NUMB: variants seen among roughly 807,000 people sequenced by gnomAD.
NUMB encodes the protein protein numb homolog.
A neutral mutation model predicts 59.7 loss-of-function variants in NUMB; 29 were observed. The ratio of observed to expected loss-of-function variants is 0.49; its 90% CI spans 0.36 to 0.66. NUMB has a LOEUF of 0.66. Ranked by LOEUF, NUMB falls within the 30% of genes least tolerant of loss-of-function variation. NUMB has a pLI of 0.00. For missense variants in NUMB, 723 were observed against 822.0 expected (o/e 0.88, Z 1.47); for synonymous variants, 288 against 288.2 (o/e 1.00, Z 0.01).
intron 2 of NUMB, among the ~76,000 whole-genome samples, chr14:73,395,037 T>TTGTGTTTGTG (rs1896056099): frequency 3.3e-5 from 4 of 119,922 alleles, no homozygotes; most frequent in African/African-American, 1.2e-4. Flanking sequence ...ATTCGTGTGT[T>TTGTGTTTGTG]TGTGTGTGTG....
At chr14:73,375,274 C>T (rs970515260) in intron 2 of NUMB, among the ~76,000 whole-genome samples, 3 of 152,156 alleles carry the variant, frequency 2.0e-5, no homozygotes, top group Non-Finnish European at 2.9e-5. Context: ...AACATTTCAT[C>T]GTCCCTTACT....
At chr14:73,442,965 T>C (rs1002230715) in intron 1 of NUMB, among the ~76,000 whole-genome samples, 1 of 152,098 alleles carries the variant, frequency 6.6e-6, no homozygotes, top group Admixed American at 6.6e-5. Context: ...TCGGCTCAAG[T>C]GATCCTCCTG....
At chr14:73,400,792 A>T (rs1021130671) in intron 2 of NUMB, among the ~76,000 whole-genome samples, 1 of 152,212 alleles carries the variant, frequency 6.6e-6, no homozygotes, top group African/African-American at 2.4e-5. Flanking sequence ...ATAGATGAAC[A>T]CTTGGAGGTT....
intron 2 of NUMB, among the ~76,000 whole-genome samples, chr14:73,384,970 T>C (rs1895431800): frequency 6.7e-6 from 1 of 148,624 alleles, no homozygotes; most frequent in African/African-American, 2.5e-5. Flanking sequence ...TTCGGCTCAC[T>C]GTAACCTCTG....
rs1457443481 is a variant in NUMB at position 73,275,698 on chromosome 14, C to CTTT, written c.*877_*879dup. 1 of 152,240 alleles carries CTTT rather than the reference C, an allele frequency of 6.6e-6. No individual in the cohort carries two copies. Among genetic ancestry groups the CTTT allele is most frequent in the African/African-American group, 2.4e-5 (1 of 41,386 alleles). 9.4% of individuals were successfully genotyped at this position (152,240 alleles called of 1,614,324 possible). A position where few individuals can be genotyped will look rare whatever the true frequency, so the allele number is the denominator to read the frequency against. On this transcript the variant is annotated 3_prime_UTR_variant, in exon 13 of 13. Coordinates refer to ENST00000555238, the MANE Select transcript of NUMB (RefSeq NM_001005743.2). ...TAGGTTTAAAACCAGGACAATACTG[C>CTTT]TTTTCCTTTATTTAAAAAAAACTAC...
At chr14:73,396,568 C>G (rs1272724558) in intron 2 of NUMB, among the ~76,000 whole-genome samples, 1 of 151,724 alleles carries the variant, frequency 6.6e-6, no homozygotes, top group Non-Finnish European at 1.5e-5. Flanking sequence ...CGAGGCCTTG[C>G]TATGTTACCT....
chr14:73,441,357 G>A (rs1440063026), intron 1 of NUMB, among the ~76,000 whole-genome samples: 1 of 151,928 alleles, frequency 6.6e-6, no homozygotes, highest in Non-Finnish European at 1.5e-5. Context: ...AGTCCAACCT[G>A]GCCAACACAG....
intron 9 of NUMB, 113 bp from the exon 10 acceptor site, chr14:73,284,487 G>C (rs989076149): frequency 4.7e-6 from 4 of 858,580 alleles, no homozygotes; most frequent in Non-Finnish European, 7.3e-6. Context: ...CCTTCCCAGT[G>C]TCTCTTAAAA....
intron 7 of NUMB, 134 bp downstream of exon 7, chr14:73,297,077 G>A (rs1457313308): frequency 1.8e-6 from 1 of 557,276 alleles, no homozygotes; most frequent in African/African-American, 2.0e-5. Context: ...TGAGGCAGGA[G>A]AATCGCTTGA....
chr14:73,423,961 G>A (rs914723887), intron 1 of NUMB, among the ~76,000 whole-genome samples: 5 of 98,998 alleles, frequency 5.1e-5, no homozygotes, highest in African/African-American at 2.5e-4. Flanking sequence ...GTGAGACCCT[G>A]TCTCCAAAAA....
At chr14:73,366,797 A>T (rs760608681) in intron 3 of NUMB, 100 bp downstream of exon 3, 39 of 152,352 alleles carry the variant, frequency 2.6e-4, no homozygotes, top group Admixed American at 7.2e-4. Context: ...GTTAAACAAC[A>T]GTTAAGCAAT....
chr14:73,278,880 A>G (rs191829651), intron 12 of NUMB, among the ~76,000 whole-genome samples: 5 of 151,974 alleles, frequency 3.3e-5, no homozygotes, highest in Admixed American at 1.3e-4. Context: ...TGCGCATGCC[A>G]CCGCGCCTGG....
rs1888201074 is a variant in NUMB, at chr14:73,276,931, C to A, written c.1603G>T (p.Val535Leu). 2 of 1,614,132 alleles carry A rather than the reference C, an allele frequency of 1.2e-6. No individual in the cohort carries two copies. The highest frequency in any genetic ancestry group is 2.2e-5 in the South Asian group (2 of 91,078). Residue 535 changes from valine to leucine, a missense_variant, in exon 13 of 13, where the codon GTG becomes TTG. Val to Leu is a conservative substitution (Grantham distance 32). Around this residue, in one of 2 missense-constraint regions of NUMB, gnomAD observed 406 missense variants for 385.4 expected, o/e 1.05. Coordinates refer to ENST00000555238, the MANE Select transcript of NUMB (RefSeq NM_001005743.2). ...PVVGITPSQM[V>L]ANVFGTAGHP... ...CCTGCAGTGCCAAATACGTTGGCCA[C>A]CATCTGGGAGGGAGTGATGCCCACC... is the stretch of plus-strand genomic sequence containing the variant.
intron 2 of NUMB, among the ~76,000 whole-genome samples, chr14:73,377,245 A>C (rs1416871651): frequency 6.6e-6 from 1 of 152,234 alleles, no homozygotes; most frequent in African/African-American, 2.4e-5. Context: ...GACTTCATTA[A>C]AATTTAAAAT....
At chr14:73,394,071 T>G (rs1895994773) in intron 2 of NUMB, among the ~76,000 whole-genome samples, 1 of 152,020 alleles carries the variant, frequency 6.6e-6, no homozygotes, top group African/African-American at 2.4e-5. Context: ...GTTCAAGCGA[T>G]TCTCCTGCCT....
chr14:73,362,659 C>T (rs1420235033), intron 3 of NUMB, among the ~76,000 whole-genome samples: 4 of 152,012 alleles, frequency 2.6e-5, no homozygotes, highest in Admixed American at 2.6e-4. Flanking sequence ...TGGTTTTGAA[C>T]TCCTTGGGTC....
intron 1 of NUMB, among the ~76,000 whole-genome samples, chr14:73,426,603 T>C (rs1897592960): frequency 1.3e-5 from 2 of 151,998 alleles, no homozygotes; most frequent in East Asian, 3.9e-4. Context: ...ACCCAGCACT[T>C]TGGGAGGCTG....
At chr14:73,317,522 G>A (rs1358331471) in intron 5 of NUMB, among the ~76,000 whole-genome samples, 1 of 152,110 alleles carries the variant, frequency 6.6e-6, no homozygotes, top group Non-Finnish European at 1.5e-5. Context: ...GGCTGGTCTC[G>A]AACTCCTGAC....
At chr14:73,324,302 C>G (rs1891553733) in intron 4 of NUMB, among the ~76,000 whole-genome samples, 1 of 152,208 alleles carries the variant, frequency 6.6e-6, no homozygotes, top group Admixed American at 6.5e-5. Context: ...CACCTCCCCT[C>G]AAGTCCCTAT....
Sources: gnomAD v4.1 joint callset for allele counts (sites outside exome capture counted in the v4.1 genomes callset) on GRCh38, gnomAD v4.1.1 for gene constraint, gnomAD v4.1.1 regional missense constraint, MANE v1.5 for transcripts, NCBI Gene and HGNC (gene_info 2026-07-23, HGNC 2026-07-21) for gene names.